The following PSD4 variants were observed in gnomAD, a reference collection of about 807,000 sequenced individuals.
PSD4 encodes the protein PH and SEC7 domain-containing protein 4.
In PSD4, 59 loss-of-function variants were observed where a neutral mutation model predicts 112.5. The observed-to-expected ratio is 0.52, with a 90% CI of 0.43 to 0.65. The LOEUF (loss-of-function observed/expected upper bound fraction) is 0.65, where lower values mean the gene tolerates loss of function less well. PSD4 is among the 30% of genes least tolerant of loss of function. PSD4 has a pLI of 0.00. For missense variants in PSD4, 1,267 were observed against 1,352.6 expected, an observed-to-expected ratio of 0.94 and a Z score of 0.99; for synonymous variants, 533 against 540.0, an observed-to-expected ratio of 0.99 and a Z score of 0.18.
chr2:113,193,104 G>A lies in PSD4; in HGVS notation c.1895G>A (p.Gly632Asp), dbSNP rs745912297. ...EEYLSFFQFG[G>D]QSLDRALRSF... ...TACCTGTCCTTCTTCCAGTTTGGAG[G>A]CCAGAGTCTGGACCGAGCCCTCCGG... Residue 632 changes from glycine (G) to aspartate (D), a missense_variant, in exon 7 of 17, where the codon GGC (glycine) becomes GAC (aspartate). Coordinates refer to ENST00000245796, the MANE Select transcript of PSD4 (RefSeq NM_012455.3). 1 of 1,614,142 alleles carries A rather than the reference G, an allele frequency of 6.2e-7. No individual in the cohort carries two copies. Among genetic ancestry groups the A allele is most frequent in the Non-Finnish European group, 8.5e-7 (1 of 1,179,980 alleles).
rs928430338 is a variant in PSD4 at position 113,206,521 on chromosome 2, G to A, written c.*5106G>A. 6.6e-6 allele frequency: 1 copy of A among 152,290 alleles called. No individual in the cohort carries two copies. The highest frequency in any genetic ancestry group is 1.5e-5 in the Non-Finnish European group (1 of 68,066). 9.4% of individuals were successfully genotyped at this position (152,290 alleles called of 1,614,324 possible). A position where few individuals can be genotyped will look rare whatever the true frequency, so the allele number is the denominator to read the frequency against. ...CTTGCCCCAGTGGCCAGGCCCTTGA[G>A]TGGGACTGCCGGGAATTGAGTCCAG... On this transcript the variant is annotated 3_prime_UTR_variant, in exon 17 of 17. Coordinates refer to ENST00000245796, the MANE Select transcript of PSD4 (RefSeq NM_012455.3).
intron 14 of PSD4, 192 bp downstream of exon 14, chr2:113,198,105 A>G: frequency 1.4e-6 from 1 of 713,564 alleles, no homozygotes; most frequent in East Asian, 2.9e-5. Context: ...GGCATCGCCT[A>G]CTTCCTCCCC....
In PSD4 at chr2:113,192,536, C is replaced by T; in HGVS notation, c.1785C>T (p.Leu595=). The change falls in exon 6 of 17, where the codon CTC becomes CTT. Residue 595 remains leucine, a synonymous_variant. Transcript: ENST00000245796. ...NKVAWNLASR[L]YRLEGFRKSE... is the part of the protein sequence containing the mutation. ...TAGCCTGGAACTTGGCCTCACGCCT[C>T]TATCGCCTGGAGGGCTTCCGGAAGT... 1 of 1,614,234 alleles carries T rather than the reference C, an allele frequency of 6.2e-7. No homozygotes were observed. Among genetic ancestry groups the T allele is most frequent in the Non-Finnish European group, 8.5e-7 (1 of 1,180,028 alleles).
chr2:113,201,691 T>C lies in PSD4; in HGVS notation c.*276T>C. On this transcript the variant is annotated 3_prime_UTR_variant, in exon 17 of 17. Transcript: ENST00000245796. ...GAGGGAGGTGAGGACTTGACTTTCC[T>C]CCCAGAGCTCAGCCCATGTCACCCT... 1 of 491,268 alleles carries C rather than the reference T, an allele frequency of 2.0e-6. No homozygotes were observed. The highest frequency in any genetic ancestry group is 2.3e-5 in the South Asian group (1 of 42,742). 30.4% of individuals were successfully genotyped at this position (491,268 alleles called of 1,614,324 possible).
chr2:113,199,131 G>A lies in PSD4; in HGVS notation c.2818G>A (p.Asp940Asn), dbSNP rs1688701972. Residue 940 changes from aspartate to asparagine, a missense_variant, in exon 16 of 17, where the codon GAC becomes AAC. Around this residue, in one of 2 missense-constraint regions of PSD4, gnomAD observed 544 missense variants for 648.6 expected, o/e 0.84. Coordinates refer to ENST00000245796, the MANE Select transcript of PSD4 (RefSeq NM_012455.3). Reference protein sequence around the residue: ...HENCLDAAADDLLDLQRNLPE... With the variant: ...HENCLDAAADNLLDLQRNLPE... ...GAACTGCCTGGACGCTGCCGCGGAC[G>A]ACCTGCTGGATCTACAGAGGAACCT... The A allele has an allele frequency of 1.3e-6, 2 of 1,531,206 alleles. No individual in the cohort carries two copies. Among genetic ancestry groups the A allele is most frequent in the Non-Finnish European group, 8.8e-7 (1 of 1,141,008 alleles). The allele number at this position is 1,531,206 out of a possible 1,614,324, so 94.9% of individuals were successfully genotyped here.
rs1187830885 is a variant in PSD4 at position 113,203,160 on chromosome 2, T to A, written c.*1745T>A. On this transcript the variant is annotated 3_prime_UTR_variant, in exon 17 of 17. Transcript: ENST00000245796. ...ATTCATTCATTCATTTTGCAGATAATATGGGACGCTTTCTATGTGCCAGTA... is the reference window on the plus strand; with the variant it reads ...ATTCATTCATTCATTTTGCAGATAAAATGGGACGCTTTCTATGTGCCAGTA... The A allele has an allele frequency of 6.6e-6, 1 of 152,246 alleles. No homozygotes were observed. Among genetic ancestry groups the A allele is most frequent in the Non-Finnish European group, 1.5e-5 (1 of 68,044 alleles). 9.4% of individuals were successfully genotyped at this position (152,246 alleles called of 1,614,324 possible).
At chr2:113,193,536 A>G in intron 8 of PSD4, 56 bp from the exon 9 acceptor site, 1 of 1,573,494 alleles carries the variant, frequency 6.4e-7, no homozygotes, top group Non-Finnish European at 8.7e-7. Flanking sequence ...TGGGCAGAGG[A>G]AACAGGAGCC....
intron 1 of PSD4, among the ~76,000 whole-genome samples, chr2:113,174,935 T>C (rs1307503634): frequency 6.6e-6 from 1 of 152,196 alleles, no homozygotes; most frequent in East Asian, 1.9e-4. Context: ...CCTCCGTTCA[T>C]TGGACCTTGG....
At chr2:113,190,951 G>C (rs1405043225) in intron 5 of PSD4, among the ~76,000 whole-genome samples, 1 of 152,246 alleles carries the variant, frequency 6.6e-6, no homozygotes, top group Non-Finnish European at 1.5e-5. Flanking sequence ...TACTATGAAA[G>C]TATGTTCTCA....
chr2:113,193,527 G>C (rs1688515203), intron 8 of PSD4, 65 bp from the exon 9 acceptor site: 1 of 1,555,678 alleles, frequency 6.4e-7, no homozygotes, highest in Non-Finnish European at 8.9e-7. Context: ...CACGCAGTGT[G>C]GGCAGAGGAA....
At chr2:113,195,047 CTCCA>C (rs2104505938) in intron 10 of PSD4, among the ~76,000 whole-genome samples, 1 of 152,312 alleles carries the variant, frequency 6.6e-6, no homozygotes, top group East Asian at 1.9e-4. Flanking sequence ...CCAGTTTCTT[CTCCA>C]TCAGATCCCT....
chr2:113,207,169 G>A lies in PSD4; in HGVS notation c.*5754G>A, dbSNP rs1363652102. On this transcript the variant is annotated 3_prime_UTR_variant, in exon 17 of 17. Transcript: ENST00000245796. The stretch of plus-strand genomic sequence containing the variant: ...CAGGAATAGTCTCCTGTAGCAGCCT[G>A]CCTTGGGCCGTGTGCCCATATCTGA... 2 of 152,186 alleles carry A rather than the reference G, an allele frequency of 1.3e-5. No individual in the cohort carries two copies. Among genetic ancestry groups the A allele is most frequent in the Admixed American group, 1.3e-4 (2 of 15,280 alleles). 9.4% of individuals were successfully genotyped at this position (152,186 alleles called of 1,614,324 possible).
intron 2 of PSD4, among the ~76,000 whole-genome samples, chr2:113,184,133 G>C (rs1008986883): frequency 6.6e-6 from 1 of 152,172 alleles, no homozygotes; most frequent in Non-Finnish European, 1.5e-5. Context: ...TCCCAGGGAG[G>C]CCTCTCCTTA....
intron 2 of PSD4, among the ~76,000 whole-genome samples, chr2:113,184,332 G>A (rs1213849833): frequency 6.6e-6 from 1 of 152,136 alleles, no homozygotes; most frequent in Non-Finnish European, 1.5e-5. Flanking sequence ...CCCAGTGTGG[G>A]GCAGTTAGGG....
chr2:113,187,558 G>A (rs1298393962), intron 5 of PSD4, among the ~76,000 whole-genome samples: 1 of 152,162 alleles, frequency 6.6e-6, no homozygotes, highest in Non-Finnish European at 1.5e-5. Flanking sequence ...AGTGTGAACA[G>A]GTCCGGGTGA....
chr2:113,204,700 C>A lies in PSD4; in HGVS notation c.*3285C>A, dbSNP rs1161716214. ...CTGGGCTCTCATGATCTCAGCTGAG[C>A]CTGGCTTTCTGCTGATGATATTTGT... On this transcript the variant is annotated 3_prime_UTR_variant, in exon 17 of 17. Coordinates refer to ENST00000245796, the MANE Select transcript of PSD4 (RefSeq NM_012455.3). 5 of 152,178 alleles carry A rather than the reference C, an allele frequency of 3.3e-5. No individual in the cohort carries two copies. Among genetic ancestry groups the A allele is most frequent in the Admixed American group, 3.3e-4 (5 of 15,270 alleles). The allele number at this position is 152,178 out of a possible 1,614,324, so 9.4% of individuals were successfully genotyped here.
chr2:113,198,158 C>G (rs1293987495), intron 14 of PSD4: 1 of 471,608 alleles, frequency 2.1e-6, no homozygotes, highest in East Asian at 3.3e-5. Flanking sequence ...TTTTCCTTGT[C>G]AGTGGGATAA....
chr2:113,176,532 C>G (rs1238840468), intron 1 of PSD4, among the ~76,000 whole-genome samples: 2 of 152,208 alleles, frequency 1.3e-5, no homozygotes, highest in Non-Finnish European at 2.9e-5. Flanking sequence ...CCCACCTCGG[C>G]TCCCTCCCCT....
rs1246096978 is a variant in PSD4, at chr2:113,173,989, G to A, written c.-177G>A. The A allele has an allele frequency of 2.0e-5, 3 of 152,478 alleles. No homozygotes were observed. The highest frequency in any genetic ancestry group is 1.9e-4 in the East Asian group (1 of 5,198). The allele number at this position is 152,478 out of a possible 1,614,324, so 9.4% of individuals were successfully genotyped here. On this transcript the variant is annotated 5_prime_UTR_variant, in exon 1 of 17. Transcript: ENST00000245796. Reference sequence around the variant, plus strand: ...CACAGCCACATTCACTGGGCAAGCCGACTGTGAGCCAGGAAGTGCTCTTGG... The same window carrying A: ...CACAGCCACATTCACTGGGCAAGCCAACTGTGAGCCAGGAAGTGCTCTTGG...
Sources: allele counts gnomAD v4.1 joint callset (sites outside exome capture counted in the v4.1 genomes callset), GRCh38; gene constraint gnomAD v4.1.1; regional missense constraint gnomAD v4.1.1; transcripts MANE v1.5; gene names NCBI Gene and HGNC (gene_info 2026-07-23, HGNC 2026-07-21).